Variants in LRMDA observed in about 807,000 individuals in gnomAD.
The protein encoded by LRMDA is leucine-rich melanocyte differentiation-associated protein.
LRMDA carries 18 observed loss-of-function variants against 29.8 expected under a neutral mutation model. The ratio of observed to expected loss-of-function variants is 0.60; its 90% CI spans 0.42 to 0.90. The LOEUF is 0.90. Among genes scored for constraint, LRMDA ranks in the 40% least tolerant of loss-of-function variants. LRMDA has a pLI of 0.00. For synonymous variants in LRMDA, 125 were observed against 109.4 expected (o/e 1.14, Z -0.89); for missense variants, 273 against 273.9 (o/e 1.00, Z 0.02).
At chr10:76,481,474 T>C (rs1292377119) in intron 6 of LRMDA, among the ~76,000 whole-genome samples, 1 of 151,934 alleles carries the variant, frequency 6.6e-6, no homozygotes, top group Non-Finnish European at 1.5e-5. Context: ...TAAACCAAAC[T>C]TCATGCTTCC....
chr10:75,808,512 CTT>C, intron 2 of LRMDA, among the ~76,000 whole-genome samples: 1 of 152,218 alleles, frequency 6.6e-6, no homozygotes, highest in South Asian at 2.1e-4. Context: ...GATGTTCACA[CTT>C]TTTTTGTTGT....
intron 6 of LRMDA, among the ~76,000 whole-genome samples, chr10:76,455,199 A>G (rs573494602): frequency 3.3e-5 from 5 of 152,190 alleles, no homozygotes; most frequent in Non-Finnish European, 7.4e-5. Context: ...ATTGGTGAAT[A>G]TTATAGAAAG....
intron 2 of LRMDA, among the ~76,000 whole-genome samples, chr10:75,466,557 G>A (rs995752964): frequency 1.1e-4 from 17 of 152,088 alleles, no homozygotes; most frequent in African/African-American, 3.1e-4. Context: ...TTCATCCACC[G>A]AAGCCATCTC....
intron 5 of LRMDA, among the ~76,000 whole-genome samples, chr10:76,161,281 T>C (rs1211357698): frequency 6.6e-6 from 1 of 152,182 alleles, no homozygotes; most frequent in Non-Finnish European, 1.5e-5. Flanking sequence ...GCCAAAATCA[T>C]GGTTCCTAAT....
chr10:75,747,022 G>C (rs1290516897), intron 2 of LRMDA, among the ~76,000 whole-genome samples: 1 of 152,094 alleles, frequency 6.6e-6, no homozygotes, highest in African/African-American at 2.4e-5. Context: ...ATGGGAATTA[G>C]AGTAGCTGAT....
At chr10:75,490,494 G>A (rs1432499076) in intron 2 of LRMDA, among the ~76,000 whole-genome samples, 1 of 152,154 alleles carries the variant, frequency 6.6e-6, no homozygotes, top group Non-Finnish European at 1.5e-5. Flanking sequence ...TCAAGGAATA[G>A]AAACTCATTT....
intron 5 of LRMDA, among the ~76,000 whole-genome samples, chr10:76,208,058 T>A (rs890946097): frequency 6.6e-6 from 1 of 152,160 alleles, no homozygotes; most frequent in African/African-American, 2.4e-5. Context: ...CAAGATGCAG[T>A]TACGTTTATT....
rs1024946014 is a variant in LRMDA at position 75,536,458 on chromosome 10, C to T, written c.131+97964C>T. ...GGTGGTTCATACACAGCTCACATGACTCTACTGAGGTATGCTCTTCTCTCT... is the reference window on the plus strand; with the variant it reads ...GGTGGTTCATACACAGCTCACATGATTCTACTGAGGTATGCTCTTCTCTCT... On this transcript the variant is annotated intron_variant, in intron 2 of 6. Coordinates refer to ENST00000611255, the MANE Select transcript of LRMDA (RefSeq NM_001305581.2). Among the ~76,000 whole-genome samples, 12 of 152,252 alleles carry T rather than the reference C, an allele frequency of 7.9e-5. No homozygotes were observed. In the South Asian group the frequency reaches 1.2e-3, roughly 16 times the overall value.
intron 2 of LRMDA, among the ~76,000 whole-genome samples, chr10:75,724,881 C>T (rs1424657970): frequency 6.6e-6 from 1 of 152,160 alleles, no homozygotes; most frequent in African/African-American, 2.4e-5. Context: ...ATGCCTGTCT[C>T]CAGAACCAAA....
At chr10:75,768,769 TTA>T (rs1400521325) in intron 2 of LRMDA, among the ~76,000 whole-genome samples, 12 of 152,166 alleles carry the variant, frequency 7.9e-5, no homozygotes, top group African/African-American at 2.9e-4. Flanking sequence ...AGTAACTGTG[TTA>T]TATAGTACAA....
intron 6 of LRMDA, among the ~76,000 whole-genome samples, chr10:76,430,131 C>T (rs1464436012): frequency 1.3e-5 from 2 of 152,046 alleles, no homozygotes; most frequent in East Asian, 1.9e-4. Flanking sequence ...AGAAATATGT[C>T]GGAAACAAGG....
intron 2 of LRMDA, among the ~76,000 whole-genome samples, chr10:75,769,505 T>C (rs1214121907): frequency 1.3e-5 from 2 of 152,230 alleles, no homozygotes; most frequent in Non-Finnish European, 2.9e-5. Context: ...TAAGATGTCT[T>C]GTTTCTATGT....
chr10:75,513,729 T>G (rs936957793), intron 2 of LRMDA, among the ~76,000 whole-genome samples: 5 of 152,130 alleles, frequency 3.3e-5, no homozygotes, highest in African/African-American at 1.2e-4. Flanking sequence ...CGTTTCTGAT[T>G]TTACATCTTC....
chr10:75,491,770 CCTCTGTCTT>C (rs1844990901), intron 2 of LRMDA, among the ~76,000 whole-genome samples: 1 of 152,136 alleles, frequency 6.6e-6, no homozygotes, highest in Admixed American at 6.5e-5. Context: ...GCTGTCTTCT[CCTCTGTCTT>C]CTCTGAGGCC....
chr10:76,337,619 C>A (rs189836154), intron 6 of LRMDA, among the ~76,000 whole-genome samples: 1 of 151,892 alleles, frequency 6.6e-6, no homozygotes, highest in African/African-American at 2.4e-5. Context: ...GTAGATGAAG[C>A]CAGAACAATA....
intron 5 of LRMDA, among the ~76,000 whole-genome samples, chr10:76,247,636 C>T (rs990763899): frequency 9.2e-5 from 14 of 152,266 alleles, no homozygotes; most frequent in South Asian, 6.2e-4. Flanking sequence ...CCCTGCCTCC[C>T]GCAACCCAAC....
chr10:75,581,870 A>G (rs1336889908), intron 2 of LRMDA, among the ~76,000 whole-genome samples: 2 of 152,168 alleles, frequency 1.3e-5, no homozygotes, highest in East Asian at 1.9e-4. Flanking sequence ...CCACCATGGC[A>G]TGTGTATACC....
rs369717773 is a variant in LRMDA at position 75,643,653 on chromosome 10, GA to G, written c.131+205162del. 1.5e-4 allele frequency among the ~76,000 whole-genome samples: 23 copies of G among 152,296 alleles called. 1 individual carries two copies. The highest frequency in any genetic ancestry group is 4.6e-4 in the African/African-American group (19 of 41,550). On this transcript the variant is annotated intron_variant, in intron 2 of 6. Coordinates refer to ENST00000611255, the MANE Select transcript of LRMDA (RefSeq NM_001305581.2). ...ATGCCACATCAGATTTCTGTTCTGT[GA>G]AATGAAGAAAAATGAGTTGGGGCTG... is the stretch of plus-strand genomic sequence containing the variant.
chr10:76,401,615 G>A (rs1259161561), intron 6 of LRMDA, among the ~76,000 whole-genome samples: 1 of 152,106 alleles, frequency 6.6e-6, no homozygotes, highest in Non-Finnish European at 1.5e-5. Flanking sequence ...GCAGAGGCCT[G>A]GGCACAACCA....
Sources: gnomAD v4.1 joint callset for allele counts (sites outside exome capture counted in the v4.1 genomes callset) on GRCh38, gnomAD v4.1.1 for gene constraint, MANE v1.5 for transcripts, NCBI Gene and HGNC (gene_info 2026-07-23, HGNC 2026-07-21) for gene names.